Variants in SLC24A4 observed in about 807,000 individuals in gnomAD.
SLC24A4 encodes the protein solute carrier family 24 member 4.
A neutral mutation model predicts 79.0 loss-of-function variants in SLC24A4; 53 were observed. That is an observed-to-expected ratio of 0.67 (90% confidence interval 0.54 to 0.84). The LOEUF (loss-of-function observed/expected upper bound fraction) is 0.84, where lower values mean the gene tolerates loss of function less well. Ranked by LOEUF, SLC24A4 falls within the 40% of genes least tolerant of loss-of-function variation. The pLI, the probability that SLC24A4 is intolerant of heterozygous loss-of-function variation, is 0.00. For missense variants in SLC24A4, 731 were observed against 822.0 expected, an observed-to-expected ratio of 0.89 and a Z score of 1.35; for synonymous variants, 323 against 323.8, an observed-to-expected ratio of 1.00 and a Z score of 0.03.
intron 12 of SLC24A4, among the ~76,000 whole-genome samples, chr14:92,470,657 A>G (rs2139889658): frequency 1.3e-5 from 2 of 152,284 alleles, no homozygotes; most frequent in Middle Eastern, 6.8e-3. Context: ...TCCGTGATGA[A>G]CATTCCACTC....
At chr14:92,468,788 A>C (rs918969148) in intron 12 of SLC24A4, among the ~76,000 whole-genome samples, 3 of 152,224 alleles carry the variant, frequency 2.0e-5, no homozygotes, top group Non-Finnish European at 2.9e-5. Flanking sequence ...ATAGCTAAAA[A>C]TATAAAACTC....
rs1047855649 is a variant in SLC24A4 at position 92,398,547 on chromosome 14, G to T, written c.242-35365G>T. The stretch of plus-strand genomic sequence containing the variant: ...CCTTCTCTTTCCTGAAGTTTTCTGT[G>T]CCCTAAGAAAAAGCCTGTTAGCCTC... On this transcript the variant is annotated intron_variant, in intron 2 of 16. Coordinates refer to ENST00000532405, the MANE Select transcript of SLC24A4 (RefSeq NM_153646.4). The surrounding 1 kb of genome is among the most constrained non-coding windows in gnomAD (Gnocchi z 4.1). Among the ~76,000 whole-genome samples the T allele has an allele frequency of 1.3e-5, 2 of 152,182 alleles. No individual in the cohort carries two copies. The highest frequency in any genetic ancestry group is 4.8e-5 in the African/African-American group (2 of 41,442).
Position 92,473,706 on chromosome 14 carries a change from C to G in SLC24A4, c.1256-8974C>G, listed in dbSNP as rs1028001274. Among the ~76,000 whole-genome samples, 5 of 152,328 alleles carry G rather than the reference C, an allele frequency of 3.3e-5. No individual in the cohort carries two copies. In the East Asian group the frequency reaches 7.7e-4, roughly 24 times the overall value. ...AGCCCCTATCTCCCCATGCTCGTCT[C>G]TGTCCCTGATTCATCTCCTGACCTT... On this transcript the variant is annotated intron_variant, in intron 12 of 16. Coordinates refer to ENST00000532405, the MANE Select transcript of SLC24A4 (RefSeq NM_153646.4).
At chr14:92,424,947 C>G (rs1383312788) in intron 2 of SLC24A4, among the ~76,000 whole-genome samples, 1 of 152,102 alleles carries the variant, frequency 6.6e-6, no homozygotes, top group Non-Finnish European at 1.5e-5. Flanking sequence ...TCACCACTTG[C>G]GCCCAGGGCA....
intron 14 of SLC24A4, among the ~76,000 whole-genome samples, chr14:92,488,073 T>G (rs2139937902): frequency 6.9e-6 from 1 of 144,362 alleles, no homozygotes; most frequent in South Asian, 2.2e-4. Flanking sequence ...TCCTTCTTCC[T>G]CTTTTTTTTT....
rs543176479 is a variant in SLC24A4 at position 92,461,855 on chromosome 14, A to G, written c.1255+5247A>G. ...TAGGAATGCTTATTATCTCCACTTT[A>G]CAGAGAAGGAAGGGGAAGCACAGAG... On this transcript the variant is annotated intron_variant, in intron 12 of 16. Transcript: ENST00000532405. 7.2e-5 allele frequency among the ~76,000 whole-genome samples: 11 copies of G among 152,254 alleles called. No homozygotes were observed. The South Asian group carries it at 2.3e-3, about 32-fold the overall frequency.
chr14:92,486,787 A>G lies in SLC24A4; in HGVS notation c.1537+7A>G, dbSNP rs200453686. 1,951 of 1,604,410 alleles carry G rather than the reference A, an allele frequency of 1.2e-3. 32 individuals carry two copies. In the South Asian group the frequency reaches 0.015, roughly 12 times the overall value. On this transcript the variant is annotated splice_region_variant and intron_variant, in intron 14 of 16. Transcript: ENST00000532405. ...CTAATTGTGGCGAGACAAGGTATGGATTATGCCCCAGCCCTCATAGTCATG... is the reference window on the plus strand; with the variant it reads ...CTAATTGTGGCGAGACAAGGTATGGGTTATGCCCCAGCCCTCATAGTCATG...
chr14:92,355,414 G>A (rs144167246), intron 2 of SLC24A4, among the ~76,000 whole-genome samples: 1 of 152,166 alleles, frequency 6.6e-6, no homozygotes, highest in Admixed American at 6.5e-5. Context: ...GCCCAGTGAG[G>A]TCTCACTCTC....
Position 92,443,411 on chromosome 14 carries a change from G to A in SLC24A4, c.594G>A (p.Leu198=). The A allele has an allele frequency of 2.5e-6, 4 of 1,614,154 alleles. No individual in the cohort carries two copies. Among genetic ancestry groups the A allele is most frequent in the Non-Finnish European group, 3.4e-6 (4 of 1,180,022 alleles). ...GGCTCTGCTGGCAGGTGGTCCGTCT[G>A]ACGTGGTGGGCCGTGTGCCGAGACT... is the stretch of plus-strand genomic sequence containing the variant. ...CGLFAGQVVR[L]TWWAVCRDSV... The change falls in exon 7 of 17, where the codon CTG becomes CTA. Residue 198 remains leucine (L), a synonymous_variant. Coordinates refer to ENST00000532405, the MANE Select transcript of SLC24A4 (RefSeq NM_153646.4).
chr14:92,484,011 T>C (rs544566323), intron 13 of SLC24A4: 2 of 985,392 alleles, frequency 2.0e-6, no homozygotes, highest in East Asian at 2.3e-4. Context: ...CGCTGAATCC[T>C]AGTCCTACCT....
intron 2 of SLC24A4, among the ~76,000 whole-genome samples, chr14:92,399,685 C>T (rs1460294731): frequency 1.3e-5 from 2 of 152,146 alleles, no homozygotes; most frequent in Admixed American, 6.5e-5. Context: ...TATGAAGGGG[C>T]TGATCATTTA....
chr14:92,344,026 C>T (rs1886384881), intron 2 of SLC24A4, among the ~76,000 whole-genome samples: 1 of 152,058 alleles, frequency 6.6e-6, no homozygotes, highest in South Asian at 2.1e-4. Context: ...TTTGTGATGG[C>T]TTATGTTATT....
intron 12 of SLC24A4, among the ~76,000 whole-genome samples, chr14:92,460,019 G>T (rs1003955931): frequency 1.3e-5 from 2 of 152,172 alleles, no homozygotes; most frequent in Admixed American, 1.3e-4. Context: ...AGGACCAGGG[G>T]AGGAATCACA....
chr14:92,433,583 C>G (rs75794175), intron 2 of SLC24A4, among the ~76,000 whole-genome samples: 3 of 152,300 alleles, frequency 2.0e-5, no homozygotes, highest in Admixed American at 6.5e-5. Flanking sequence ...CCAGTACCTC[C>G]GTATCCTTGT....
chr14:92,424,385 G>GA (rs1260447921), intron 2 of SLC24A4, among the ~76,000 whole-genome samples: 1 of 152,022 alleles, frequency 6.6e-6, no homozygotes, highest in African/African-American at 2.4e-5. Context: ...AATGTATGAA[G>GA]AAAAAAGGTT....
At chr14:92,431,289 T>C (rs1891855605) in intron 2 of SLC24A4, among the ~76,000 whole-genome samples, 1 of 152,230 alleles carries the variant, frequency 6.6e-6, no homozygotes, top group Non-Finnish European at 1.5e-5. Flanking sequence ...CAGGTTCTGC[T>C]GTGATCTCCA....
At chr14:92,323,019 A>T (rs534194217), upstream of SLC24A4, among the ~76,000 whole-genome samples, 3,227 of 152,024 alleles carry the variant, frequency 0.021, 104 homozygotes, top group African/African-American at 0.073. This position sits in a 1 kb window ranked among gnomAD's most constrained non-coding sequence, Gnocchi z 4.9. Context: ...TGGTCAGTAG[A>T]GGTCCAACTA....
At chr14:92,459,994 G>A (rs560185156) in intron 12 of SLC24A4, among the ~76,000 whole-genome samples, 2 of 152,262 alleles carry the variant, frequency 1.3e-5, no homozygotes, top group Middle Eastern at 3.4e-3. Context: ...AAGCTGGGGC[G>A]CTGGAAGGAA....
At chr14:92,340,565 G>C (rs1886078641) in intron 2 of SLC24A4, among the ~76,000 whole-genome samples, 1 of 82,278 alleles carries the variant, frequency 1.2e-5, no homozygotes, top group African/African-American at 4.8e-5. Flanking sequence ...TGGCTTCCGA[G>C]GCTGCATCAT....
Sources: allele counts gnomAD v4.1 joint callset (sites outside exome capture counted in the v4.1 genomes callset), GRCh38; gene constraint gnomAD v4.1.1; non-coding constraint Gnocchi (gnomAD v3.1); transcripts MANE v1.5; gene names NCBI Gene and HGNC (gene_info 2026-07-23, HGNC 2026-07-21).